ANXA1: variants seen among roughly 807,000 people sequenced by gnomAD.
ANXA1 encodes the protein annexin A1, also known as annexin I (lipocortin I).
A neutral mutation model predicts 47.9 loss-of-function variants in ANXA1; 39 were observed. That is an observed-to-expected ratio of 0.81 (90% CI 0.63 to 1.06). ANXA1 has a LOEUF of 1.06. Among genes scored for constraint, ANXA1 ranks in the 50% least tolerant of loss-of-function variants. ANXA1 has a pLI of 0.00. For missense variants in ANXA1, 446 were observed against 422.7 expected (o/e 1.06, Z -0.48); for synonymous variants, 146 against 142.5 (o/e 1.02, Z -0.17).
intron 8 of ANXA1, among the ~76,000 whole-genome samples, chr9:73,164,557 T>C (rs1213880695): frequency 6.6e-6 from 1 of 152,116 alleles, no homozygotes; most frequent in Non-Finnish European, 1.5e-5. Context: ...GTAGTCAACA[T>C]TTCAAAGTTA....
At chr9:73,152,098 A>G (rs1823982148) in intron 1 of ANXA1, among the ~76,000 whole-genome samples, 174 bp downstream of exon 1, 2 of 152,216 alleles carry the variant, frequency 1.3e-5, no homozygotes, top group Admixed American at 6.5e-5. Flanking sequence ...GGAATCACAA[A>G]TTACAATATT....
At chr9:73,165,381 C>A in intron 9 of ANXA1, 172 bp downstream of exon 9, 1 of 527,004 alleles carries the variant, frequency 1.9e-6, no homozygotes, top group Non-Finnish European at 3.4e-6. Flanking sequence ...TTTTGTACAG[C>A]CGCTACTTTA....
At chr9:73,154,500 A>G (rs1031140565) in intron 1 of ANXA1, among the ~76,000 whole-genome samples, 3 of 151,932 alleles carry the variant, frequency 2.0e-5, no homozygotes, top group African/African-American at 4.8e-5. Context: ...TAGTGGTACA[A>G]TCTCGGCTCA....
At chr9:73,160,132 AG>A (rs1384972768) in intron 4 of ANXA1, 130 bp from the exon 5 acceptor site, 33 of 530,890 alleles carry the variant, frequency 6.2e-5, no homozygotes, top group Non-Finnish European at 9.9e-5. Flanking sequence ...TTGTATGTGA[AG>A]GGAAGAAGCT....
Position 73,167,495 on chromosome 9 carries a change from A to G in ANXA1, c.803-2A>G. On this transcript the variant is annotated splice_acceptor_variant, in intron 10 of 12. Coordinates refer to ENST00000257497, the MANE Select transcript of ANXA1 (RefSeq NM_000700.3). LOFTEE classifies it high-confidence loss of function. ...ATCAACTAAAATTTTCTTCTCTAAC[A>G]GTGAAGTGCGCCACAAGCAAACCAG... 2 of 1,612,838 alleles carry G rather than the reference A, an allele frequency of 1.2e-6. No homozygotes were observed. The highest frequency in any genetic ancestry group is 2.2e-5 in the East Asian group (1 of 44,840).
Position 73,165,130 on chromosome 9 carries a change from A to G in ANXA1, c.627A>G (p.Ala209=). Residue 209 remains alanine, a synonymous_variant, in exon 9 of 13, where the codon GCA becomes GCG. Coordinates refer to ENST00000257497, the MANE Select transcript of ANXA1 (RefSeq NM_000700.3). ...ADSDARALYE[A]GERRKGTDVN... is the part of the protein sequence containing the mutation. ...TTTCTTGACAGGCCTTGTATGAAGC[A>G]GGAGAAAGGAGAAAGGGGACAGACG... The G allele has an allele frequency of 1.2e-6, 2 of 1,612,568 alleles. No homozygotes were observed. The highest frequency in any genetic ancestry group is 1.7e-5 in the Admixed American group (1 of 59,910).
intron 1 of ANXA1, among the ~76,000 whole-genome samples, chr9:73,156,368 T>C (rs931434317): frequency 6.6e-6 from 1 of 152,008 alleles, no homozygotes; most frequent in African/African-American, 2.4e-5. Flanking sequence ...AGGTGGAATA[T>C]GAAACTCCAT....
intron 1 of ANXA1, among the ~76,000 whole-genome samples, chr9:73,154,916 C>T (rs1238554188): frequency 6.6e-6 from 1 of 152,190 alleles, no homozygotes; most frequent in Non-Finnish European, 1.5e-5. Context: ...CATTGCAAAA[C>T]TCTGATAGTT....
intron 1 of ANXA1, among the ~76,000 whole-genome samples, chr9:73,156,218 A>G (rs539185907): frequency 6.6e-6 from 1 of 151,380 alleles, no homozygotes; most frequent in Admixed American, 6.6e-5. Context: ...ATGGAGTAGT[A>G]CTTTGCCAAG....
intron 5 of ANXA1, 73 bp from the exon 6 acceptor site, chr9:73,160,730 C>T (rs1272222652): frequency 1.8e-6 from 2 of 1,128,928 alleles, no homozygotes; most frequent in Non-Finnish European, 2.6e-6. Context: ...AATTTTGGAA[C>T]ACCAAAAACT....
At chr9:73,160,664 C>G in intron 5 of ANXA1, 139 bp from the exon 6 acceptor site, 2 of 668,440 alleles carry the variant, frequency 3.0e-6, no homozygotes, top group South Asian at 1.9e-5. Flanking sequence ...TGTAATAGAG[C>G]TTATTGTAAT....
rs770135039 is a variant in ANXA1 at position 73,160,339 on chromosome 9, C to T, written c.347C>T (p.Ala116Val). The T allele has an allele frequency of 3.5e-5, 55 of 1,585,456 alleles. No homozygotes were observed. Among genetic ancestry groups the T allele is most frequent in the East Asian group, 4.6e-5 (2 of 43,222 alleles). ...EVVLALLKTP[A>V]QFDADELRAA... Reference sequence around the variant, plus strand: ...GTTTTAGCTCTGCTAAAAACTCCAGCGCAATTTGATGCTGATGAACTTCGT... The same window carrying T: ...GTTTTAGCTCTGCTAAAAACTCCAGTGCAATTTGATGCTGATGAACTTCGT... The change falls in exon 5 of 13, where the codon GCG becomes GTG. Residue 116 changes from alanine (A) to valine (V), a missense_variant. Transcript: ENST00000257497.
At chr9:73,164,802 A>C (rs78536606) in intron 8 of ANXA1, among the ~76,000 whole-genome samples, 10,429 of 152,174 alleles carry the variant, frequency 0.069, 422 homozygotes, top group East Asian at 0.16. Flanking sequence ...CAGAGTAAAA[A>C]ATCTTTAGAG....
chr9:73,161,395 T>G (rs559284018), intron 6 of ANXA1, among the ~76,000 whole-genome samples: 2 of 152,292 alleles, frequency 1.3e-5, no homozygotes, highest in East Asian at 3.9e-4. Flanking sequence ...GTTATGAACA[T>G]AAGAGACTCA....
intron 1 of ANXA1, chr9:73,157,831 A>G (rs1466572145): frequency 1.3e-5 from 2 of 152,146 alleles, no homozygotes; most frequent in African/African-American, 2.4e-5. Flanking sequence ...TCTTTCGGAA[A>G]CATAAATGAA....
intron 7 of ANXA1, 86 bp from the exon 8 acceptor site, chr9:73,163,390 A>T (rs1824175875): frequency 1.1e-5 from 14 of 1,328,824 alleles, no homozygotes; most frequent in African/African-American, 4.5e-5. Context: ...CTCAAAAAAT[A>T]TTATTTATCT....
Position 73,170,347 on chromosome 9 carries a change from G to T in ANXA1, c.*240G>T. ...ACAAGTTGTTCTAGTAACAATACAT[G>T]AGAAAGATGTCTATGTAGCTGAAAA... On this transcript the variant is annotated 3_prime_UTR_variant, in exon 13 of 13. Coordinates refer to ENST00000257497, the MANE Select transcript of ANXA1 (RefSeq NM_000700.3). 1 of 335,778 alleles carries T rather than the reference G, an allele frequency of 3.0e-6. No homozygotes were observed. The allele number at this position is 335,778 out of a possible 1,614,324, so 20.8% of individuals were successfully genotyped here. A position where few individuals can be genotyped will look rare whatever the true frequency, so the allele number is the denominator to read the frequency against.
chr9:73,163,170 T>C (rs1030289891), intron 7 of ANXA1, among the ~76,000 whole-genome samples: 1 of 152,060 alleles, frequency 6.6e-6, no homozygotes, highest in Non-Finnish European at 1.5e-5. Flanking sequence ...CTCTCGTGGT[T>C]CTCATGAGCA....
intron 1 of ANXA1, among the ~76,000 whole-genome samples, chr9:73,156,409 G>A (rs1824049488): frequency 6.6e-6 from 1 of 152,046 alleles, no homozygotes; most frequent in Non-Finnish European, 1.5e-5. Context: ...AAACTAGACT[G>A]TAATGGGAAC....
Sources: allele counts gnomAD v4.1 joint callset (sites outside exome capture counted in the v4.1 genomes callset), GRCh38; gene constraint gnomAD v4.1.1; transcripts MANE v1.5; gene names NCBI Gene and HGNC (gene_info 2026-07-23, HGNC 2026-07-21).